Variants in NCKAP5 observed in about 807,000 individuals in gnomAD.
NCKAP5 encodes nck-associated protein 5.
A neutral mutation model predicts 167.0 loss-of-function variants in NCKAP5; 92 were observed. The ratio of observed to expected loss-of-function variants is 0.55; its 90% confidence interval spans 0.47 to 0.66. NCKAP5 has a LOEUF of 0.66. Ranked by LOEUF, NCKAP5 falls within the 30% of genes least tolerant of loss-of-function variation. The pLI is 0.00. For synonymous variants in NCKAP5, 891 were observed against 877.4 expected (o/e 1.02, Z -0.27); for missense variants, 2,378 against 2,315.0 (o/e 1.03, Z -0.56).
chr2:132,803,264 T>C (rs1283888264), intron 11 of NCKAP5, among the ~76,000 whole-genome samples: 10 of 152,212 alleles, frequency 6.6e-5, no homozygotes, highest in Admixed American at 5.9e-4. Flanking sequence ...TTACAGCTAA[T>C]TTTTTAAGCC....
intron 4 of NCKAP5, among the ~76,000 whole-genome samples, chr2:133,220,072 C>A (rs2086597131): frequency 6.6e-6 from 1 of 152,158 alleles, no homozygotes; most frequent in Admixed American, 6.5e-5. Context: ...ATAAAGAATG[C>A]TGGATTTGCA....
intron 3 of NCKAP5, among the ~76,000 whole-genome samples, chr2:133,506,392 G>C: frequency 6.6e-6 from 1 of 152,178 alleles, no homozygotes; most frequent in East Asian, 1.9e-4. Context: ...GGATACACTC[G>C]TTTGGCCTCT....
At chr2:132,970,772 C>T (rs907683504) in intron 7 of NCKAP5, among the ~76,000 whole-genome samples, 6 of 152,116 alleles carry the variant, frequency 3.9e-5, no homozygotes, top group African/African-American at 1.4e-4. Context: ...AAAATAACAT[C>T]AATCAACACA....
At chr2:132,924,706 A>T (rs1384292183) in intron 8 of NCKAP5, among the ~76,000 whole-genome samples, 1 of 152,204 alleles carries the variant, frequency 6.6e-6, no homozygotes, top group Admixed American at 6.5e-5. Context: ...TTACATATAC[A>T]TCAGGGATTT....
chr2:132,736,921 G>A (rs530276804), intron 16 of NCKAP5, among the ~76,000 whole-genome samples: 10 of 152,292 alleles, frequency 6.6e-5, no homozygotes, highest in East Asian at 5.8e-4. Context: ...ATGTACCAAC[G>A]GGCTTCATCC....
chr2:133,436,442 C>T (rs1241134250), intron 3 of NCKAP5, among the ~76,000 whole-genome samples: 1 of 152,222 alleles, frequency 6.6e-6, no homozygotes, highest in East Asian at 1.9e-4. Context: ...AGAAGCACCA[C>T]AGGGCTCTTT....
chr2:133,205,194 G>A lies in NCKAP5; in HGVS notation c.207+8522C>T, dbSNP rs141142673. ...TTTAGTTCCAGCTACTTGGGAGGCT[G>A]AGGCAGGTGGGTCGCTTGAGCCCAG... On this transcript the variant is annotated intron_variant, in intron 5 of 19. Transcript: ENST00000409261. Among the ~76,000 whole-genome samples the A allele has an allele frequency of 5.1e-4, 78 of 152,228 alleles. No homozygotes were observed. The East Asian group carries it at 0.015, about 29-fold the overall frequency.
At chr2:133,392,686 T>C (rs1192316550) in intron 3 of NCKAP5, among the ~76,000 whole-genome samples, 2 of 152,190 alleles carry the variant, frequency 1.3e-5, no homozygotes, top group East Asian at 3.9e-4. Context: ...TTAATAAGCT[T>C]AAAATTGAAT....
intron 3 of NCKAP5, among the ~76,000 whole-genome samples, chr2:133,448,046 C>A (rs569650858): frequency 3.0e-4 from 46 of 152,112 alleles, no homozygotes; most frequent in African/African-American, 1.1e-3. Flanking sequence ...TAGCAAGAAG[C>A]GCCACACACA....
At chr2:133,148,061 T>C (rs2083262897) in intron 5 of NCKAP5, among the ~76,000 whole-genome samples, 1 of 152,138 alleles carries the variant, frequency 6.6e-6, no homozygotes, top group South Asian at 2.1e-4. Flanking sequence ...TAAAGAAATC[T>C]CATTTCCCTA....
chr2:132,951,340 T>C (rs1213491434), intron 8 of NCKAP5, among the ~76,000 whole-genome samples: 1 of 152,194 alleles, frequency 6.6e-6, no homozygotes, highest in Non-Finnish European at 1.5e-5. Flanking sequence ...TCTAGAAAGT[T>C]CAATTCATAA....
intron 11 of NCKAP5, among the ~76,000 whole-genome samples, chr2:132,829,656 G>A (rs530306694): frequency 3.0e-4 from 46 of 152,038 alleles, no homozygotes; most frequent in African/African-American, 9.2e-4. Context: ...AAGCTGTAGC[G>A]TGCATCAGGA....
chr2:132,765,308 C>CTTTTTTTTTT (rs1170247644), intron 16 of NCKAP5, among the ~76,000 whole-genome samples: 5 of 114,310 alleles, frequency 4.4e-5, no homozygotes, highest in African/African-American at 1.4e-4. Context: ...TTCTTTCTTT[C>CTTTTTTTTTT]TTTTTTTTTT....
chr2:133,410,614 G>T (rs1286460741), intron 3 of NCKAP5, among the ~76,000 whole-genome samples: 1 of 152,116 alleles, frequency 6.6e-6, no homozygotes, highest in Non-Finnish European at 1.5e-5. Context: ...TTCTCAGAGT[G>T]GTCTCCAGAG....
At chr2:133,147,194 A>T (rs2083228795) in intron 5 of NCKAP5, among the ~76,000 whole-genome samples, 1 of 152,080 alleles carries the variant, frequency 6.6e-6, no homozygotes, top group Admixed American at 6.6e-5. Context: ...GTGTTGAACT[A>T]ATCACATCAA....
intron 4 of NCKAP5, among the ~76,000 whole-genome samples, chr2:133,292,365 C>T (rs1679662643): frequency 6.6e-6 from 1 of 151,022 alleles, no homozygotes; most frequent in Admixed American, 6.6e-5. Flanking sequence ...AGCCTTAATA[C>T]ATGCATTTAT....
At chr2:132,907,843 G>A (rs1346821881) in intron 8 of NCKAP5, among the ~76,000 whole-genome samples, 1 of 151,848 alleles carries the variant, frequency 6.6e-6, no homozygotes, top group Non-Finnish European at 1.5e-5. Flanking sequence ...AGTTTTAGTA[G>A]AGAGGGGGTT....
intron 6 of NCKAP5, among the ~76,000 whole-genome samples, chr2:133,017,483 T>A (rs1406711697): frequency 6.6e-6 from 1 of 152,172 alleles, no homozygotes; most frequent in Non-Finnish European, 1.5e-5. Context: ...CTTCAAAATG[T>A]GAAATATGCC....
At position 132,732,187 on chromosome 2, in the gene NCKAP5, C is replaced by A. The variant is rs1198279855; in HGVS notation, c.5129-136G>T. The A allele has an allele frequency of 4.8e-6, 4 of 830,584 alleles. No homozygotes were observed. In the East Asian group the frequency reaches 1.1e-4, roughly 23 times the overall value. The allele number at this position is 830,584 out of a possible 1,614,324, so 51.5% of individuals were successfully genotyped here. On this transcript the variant is annotated intron_variant, in intron 16 of 19. Coordinates refer to ENST00000409261, the MANE Select transcript of NCKAP5 (RefSeq NM_207363.3). ...GAATTTAAGAAAAAGAAAAATGTCA[C>A]AAGGACAGAAAACCAAACACCGCTT...
Sources: allele counts gnomAD v4.1 joint callset (sites outside exome capture counted in the v4.1 genomes callset), GRCh38; gene constraint gnomAD v4.1.1; transcripts MANE v1.5; gene names NCBI Gene and HGNC (gene_info 2026-07-23, HGNC 2026-07-21).